Variants in ZMYM6 observed in about 807,000 individuals in gnomAD.
ZMYM6 encodes the protein zinc finger MYM-type containing 6, also known as zinc finger MYM-type protein 6.
Under a neutral mutation model 134.0 loss-of-function variants are expected in ZMYM6, and 90 were observed. The observed-to-expected ratio is 0.67, with a 90% CI of 0.57 to 0.80. The LOEUF (loss-of-function observed/expected upper bound fraction) is 0.80, where lower values mean the gene tolerates loss of function less well. Ranked by LOEUF, ZMYM6 falls within the 30% of genes least tolerant of loss-of-function variation. The pLI, the probability that ZMYM6 is intolerant of heterozygous loss-of-function variation, is 0.00. For missense variants in ZMYM6, 1,362 were observed against 1,533.9 expected (o/e 0.89, Z 1.87); for synonymous variants, 481 against 524.1 (o/e 0.92, Z 1.12).
Position 35,011,908 on chromosome 1 carries a change from A to G in ZMYM6, c.1044T>C (p.Ser348=), listed in dbSNP as rs1641093616. Residue 348 remains serine, a synonymous_variant, in exon 8 of 16, where the codon AGT becomes AGC. Transcript: ENST00000357182. ...ATCATACCTGGAAAGCAACCACACA[A>G]CTGGAGCTGCAGAAGCTGTATATAG... ...NGTIYSFCSS[S]CVVAFQNVFS... is the part of the protein sequence containing the mutation. 6.2e-7 allele frequency: 1 copy of G among 1,603,556 alleles called. No homozygotes were observed. Among genetic ancestry groups the G allele is most frequent in the Non-Finnish European group, 8.5e-7 (1 of 1,173,764 alleles).
chr1:35,014,813 TAG>T lies in ZMYM6; in HGVS notation c.677_678del (p.Ser226TyrfsTer10). On this transcript the variant is annotated frameshift_variant, in exon 6 of 16. Transcript: ENST00000357182. LOFTEE classifies it high-confidence loss of function. ...CSDACFSKFH[S>X]TNNLTMNCCE... Reference sequence around the variant, plus strand: ...CAACAGTTCATGGTGAGGTTGTTTGTAGAGTGAAATTTTGAAAAACAGGCATC... The same window carrying T: ...CAACAGTTCATGGTGAGGTTGTTTGTAGTGAAATTTTGAAAAACAGGCATC... The T allele has an allele frequency of 6.2e-7, 1 of 1,614,172 alleles. No individual in the cohort carries two copies. The highest frequency in any genetic ancestry group is 8.5e-7 in the Non-Finnish European group (1 of 1,180,034).
Position 35,019,584 on chromosome 1 carries a change from C to A in ZMYM6, c.197G>T (p.Gly66Val). 1 of 1,599,390 alleles carries A rather than the reference C, an allele frequency of 6.3e-7. No homozygotes were observed. Among genetic ancestry groups the A allele is most frequent in the Non-Finnish European group, 8.5e-7 (1 of 1,176,242 alleles). Residue 66 changes from glycine to valine, a missense_variant, in exon 4 of 16, where the codon GGC (glycine) becomes GTC (valine). Around this residue, in one of 3 missense-constraint regions of ZMYM6, gnomAD observed 503 missense variants for 520.8 expected, o/e 0.97. Coordinates refer to ENST00000357182, the MANE Select transcript of ZMYM6 (RefSeq NM_007167.4). ...ERPIAQQLNP[G>V]FQLSFASSGP... The stretch of plus-strand genomic sequence containing the variant: ...AGATGATGCAAAAGAAAGCTGAAAG[C>A]CTGGGTTCAACTGCTGGGCTATCAA...
At chr1:35,025,845 T>C (rs150164469) in intron 2 of ZMYM6, among the ~76,000 whole-genome samples, 1 of 152,284 alleles carries the variant, frequency 6.6e-6, no homozygotes, top group African/African-American at 2.4e-5. Flanking sequence ...GGACTCAGCT[T>C]CCTCATGGGT....
chr1:34,992,411 C>A (rs763884420), intron 14 of ZMYM6, 24 bp from the exon 15 acceptor site: 3 of 1,604,462 alleles, frequency 1.9e-6, no homozygotes, highest in Non-Finnish European at 2.5e-6. Flanking sequence ...AATTCAGAAA[C>A]CAAAGAAAGA....
intron 14 of ZMYM6, among the ~76,000 whole-genome samples, chr1:34,999,425 G>A (rs1640843270): frequency 6.6e-6 from 1 of 152,178 alleles, no homozygotes; most frequent in South Asian, 2.1e-4. Context: ...AAAGAGAGCA[G>A]AGAAAAGGGA....
chr1:35,014,052 C>A (rs1641139191), intron 6 of ZMYM6, among the ~76,000 whole-genome samples: 1 of 152,146 alleles, frequency 6.6e-6, no homozygotes, highest in Non-Finnish European at 1.5e-5. Flanking sequence ...TAAATTGACA[C>A]AAGGTGATAA....
chr1:35,008,805 C>T lies in ZMYM6; in HGVS notation c.1612G>A (p.Glu538Lys). ...ATACAATCTTCACAACAAAACTCTTCTAACTTGCCCTCCAATCGATTTTCT... is the reference window on the plus strand; with the variant it reads ...ATACAATCTTCACAACAAAACTCTTTTAACTTGCCCTCCAATCGATTTTCT... Reference protein sequence around the residue: ...LVENRLEGKLEEFCCEDCMSK... With the variant: ...LVENRLEGKLKEFCCEDCMSK... Residue 538 changes from glutamate to lysine, a missense_variant, in exon 11 of 16, where the codon GAA becomes AAA. Physicochemically the swap from Glu to Lys is moderately conservative, Grantham distance 56. Coordinates refer to ENST00000357182, the MANE Select transcript of ZMYM6 (RefSeq NM_007167.4). 1 of 1,614,146 alleles carries T rather than the reference C, an allele frequency of 6.2e-7. No homozygotes were observed. The highest frequency in any genetic ancestry group is 1.1e-5 in the South Asian group (1 of 91,082).
chr1:35,010,092 C>T (rs964716441), intron 10 of ZMYM6, among the ~76,000 whole-genome samples: 2 of 152,162 alleles, frequency 1.3e-5, no homozygotes, highest in African/African-American at 2.4e-5. Context: ...TCACTGCAAC[C>T]TCTGCCTCTG....
chr1:35,015,329 G>C (rs1273028623), intron 4 of ZMYM6, among the ~76,000 whole-genome samples, 167 bp from the exon 5 acceptor site: 2 of 152,144 alleles, frequency 1.3e-5, no homozygotes, highest in Non-Finnish European at 2.9e-5. Context: ...TATCAGGTGA[G>C]TGACAATGAA....
chr1:35,006,924 A>T, intron 12 of ZMYM6, 27 bp downstream of exon 12: 1 of 1,594,878 alleles, frequency 6.3e-7, no homozygotes, highest in Non-Finnish European at 8.5e-7. Flanking sequence ...CTGACATAAA[A>T]ATCCCATTAG....
At chr1:34,989,850 A>G (rs1223073804) in intron 15 of ZMYM6, 3 of 152,250 alleles carry the variant, frequency 2.0e-5, no homozygotes, top group African/African-American at 7.2e-5. Flanking sequence ...CAATGTGCCG[A>G]GATCATGTCA....
intron 3 of ZMYM6, 86 bp downstream of exon 3, chr1:35,020,297 C>T: frequency 8.4e-7 from 1 of 1,193,252 alleles, no homozygotes; most frequent in South Asian, 1.7e-5. Context: ...AAGAGAAAGA[C>T]ATACATGAAA....
chr1:35,015,304 ATGAGTTCTGCTATTTATCAGG>A, intron 4 of ZMYM6, 142 bp from the exon 5 acceptor site: 2 of 720,226 alleles, frequency 2.8e-6, no homozygotes, highest in Non-Finnish European at 4.5e-6. Flanking sequence ...CCTGGGTTTG[ATGAGTTCTGCTATTTATCAGG>A]TGAGTGACAA....
chr1:35,013,783 C>A lies in ZMYM6; in HGVS notation c.795+914G>T, dbSNP rs1415306201. On this transcript the variant is annotated intron_variant, in intron 6 of 15. Coordinates refer to ENST00000357182, the MANE Select transcript of ZMYM6 (RefSeq NM_007167.4). Reference sequence around the variant, plus strand: ...CTCAGCTCACTGCAACCTCCACCTCCCGGGTTCAAGCAATTCTCCTGCCTC... The same window carrying A: ...CTCAGCTCACTGCAACCTCCACCTCACGGGTTCAAGCAATTCTCCTGCCTC... 5.3e-6 allele frequency: 3 copies of A among 569,176 alleles called. No individual in the cohort carries two copies. The African/African-American group carries it at 6.1e-5, about 12-fold the overall frequency. The allele number at this position is 569,176 out of a possible 1,614,324, so 35.3% of individuals were successfully genotyped here.
chr1:35,030,799 C>T (rs552367559), intron 1 of ZMYM6, 86 bp from the exon 2 acceptor site: 4 of 655,160 alleles, frequency 6.1e-6, no homozygotes, highest in East Asian at 3.1e-5. Context: ...TGAGGCTTCA[C>T]GGCTCGGCAT....
chr1:35,010,921 G>T lies in ZMYM6; in HGVS notation c.1178C>A (p.Thr393Asn), dbSNP rs1404011261. ...RSAVSIGGGNTSAVSPSSIRG... is the reference protein window; with the variant it reads ...RSAVSIGGGNNSAVSPSSIRG... ...GATGGAGCTGGGGGAAACGGCAGAGGTGTTACCTCCTCCTATTGACACTGC... is the reference window on the plus strand; with the variant it reads ...GATGGAGCTGGGGGAAACGGCAGAGTTGTTACCTCCTCCTATTGACACTGC... Residue 393 changes from threonine to asparagine, a missense_variant, in exon 9 of 16, where the codon ACC becomes AAC. Coordinates refer to ENST00000357182, the MANE Select transcript of ZMYM6 (RefSeq NM_007167.4). 3 of 1,613,158 alleles carry T rather than the reference G, an allele frequency of 1.9e-6. No homozygotes were observed. The highest frequency in any genetic ancestry group is 2.2e-5 in the East Asian group (1 of 44,876).
In ZMYM6 at chr1:35,007,250, T is replaced by G. The variant is rs543339195; in HGVS notation, c.1666-152A>C. 113 of 746,556 alleles carry G rather than the reference T, an allele frequency of 1.5e-4. 1 individual carries two copies. In the African/African-American group the frequency reaches 2.0e-3, roughly 13 times the overall value. The allele number at this position is 746,556 out of a possible 1,614,324, so 46.2% of individuals were successfully genotyped here. Reference sequence around the variant, plus strand: ...TCTTACCTTAAAATACTGATTTTATTTAATTATTTGTTTTATATAGATGCC... The same window carrying G: ...TCTTACCTTAAAATACTGATTTTATGTAATTATTTGTTTTATATAGATGCC... On this transcript the variant is annotated intron_variant, in intron 11 of 15. Coordinates refer to ENST00000357182, the MANE Select transcript of ZMYM6 (RefSeq NM_007167.4).
intron 10 of ZMYM6, among the ~76,000 whole-genome samples, chr1:35,009,170 C>G (rs1641039544): frequency 6.6e-6 from 1 of 152,220 alleles, no homozygotes; most frequent in African/African-American, 2.4e-5. Context: ...ACAATCTCAG[C>G]TCACTGCAAC....
At position 34,988,615 on chromosome 1, in the gene ZMYM6, G is replaced by C. The variant is rs1640613380; in HGVS notation, c.2467C>G (p.Leu823Val). ...CQNSSLKKCLLVEKSLVKASY... is the reference protein window; with the variant it reads ...CQNSSLKKCLVVEKSLVKASY... ...GCTTTCACAAGTGACTTTTCAACTA[G>C]TAAACACTTTTTTAAAGAACTATTT... The change falls in exon 16 of 16, where the codon CTA (leucine) becomes GTA (valine). Residue 823 changes from leucine (L) to valine (V), a missense_variant. Transcript: ENST00000357182. 2.6e-6 allele frequency: 4 copies of C among 1,549,182 alleles called. No homozygotes were observed. Among genetic ancestry groups the C allele is most frequent in the Non-Finnish European group, 3.5e-6 (4 of 1,146,426 alleles).
Sources: gnomAD v4.1 joint callset for allele counts (sites outside exome capture counted in the v4.1 genomes callset) on GRCh38, gnomAD v4.1.1 for gene constraint, gnomAD v4.1.1 regional missense constraint, MANE v1.5 for transcripts, NCBI Gene and HGNC (gene_info 2026-07-23, HGNC 2026-07-21) for gene names.